The following CSPP1 variants were observed in gnomAD, a reference collection of about 807,000 sequenced individuals.
The protein encoded by CSPP1 is centrosome and spindle pole associated protein 1.
A neutral mutation model predicts 164.4 loss-of-function variants in CSPP1; 126 were observed. That is an observed-to-expected ratio of 0.77 (90% CI 0.66 to 0.89). The LOEUF is 0.89. Among genes scored for constraint, CSPP1 ranks in the 40% least tolerant of loss-of-function variants. The pLI, the probability that CSPP1 is intolerant of heterozygous loss-of-function variation, is 0.00. For missense variants in CSPP1, 1,395 were observed against 1,449.8 expected (o/e 0.96, Z 0.61); for synonymous variants, 472 against 476.7 (o/e 0.99, Z 0.13).
intron 8 of CSPP1, among the ~76,000 whole-genome samples, chr8:67,104,162 A>G (rs1814826397): frequency 6.6e-6 from 1 of 152,118 alleles, no homozygotes; most frequent in African/African-American, 2.4e-5. Flanking sequence ...AAAGTAATAT[A>G]TAAACACTGC....
chr8:67,105,943 A>T lies in CSPP1; in HGVS notation c.1061A>T (p.Asp354Val), dbSNP rs146127619. The part of the protein sequence containing the change: ...DNETSKSANQ[D>V]TCSPFAGMLF... The stretch of plus-strand genomic sequence containing the variant: ...GAAACATCCAAATCTGCTAATCAAG[A>T]TACCTGTAGTCCTTTTGCAGGGATG... The change falls in exon 9 of 31, where the codon GAT becomes GTT. Residue 354 changes from aspartate to valine, a missense_variant. Transcript: ENST00000678616. The T allele has an allele frequency of 8.8e-6, 14 of 1,595,590 alleles. No homozygotes were observed. The South Asian group carries it at 1.4e-4, about 16-fold the overall frequency.
chr8:67,153,739 G>A (rs1826145768), intron 18 of CSPP1, among the ~76,000 whole-genome samples: 1 of 151,768 alleles, frequency 6.6e-6, no homozygotes. Context: ...AGCCTTTGTT[G>A]CAATGAGGGT....
At chr8:67,174,767 GAAA>G (rs370370213) in intron 25 of CSPP1, 5 of 98,522 alleles carry the variant, frequency 5.1e-5, no homozygotes, top group South Asian at 3.0e-4. Context: ...TCCGTCTCAA[GAAA>G]AAAAAAAAAA....
Position 67,064,500 on chromosome 8 carries a change from A to G in CSPP1, c.-49A>G, listed in dbSNP as rs371597009. 1.5e-5 allele frequency: 24 copies of G among 1,613,396 alleles called. No individual in the cohort carries two copies. Among genetic ancestry groups the G allele is most frequent in the East Asian group, 8.9e-5 (4 of 44,866 alleles). ...GGACGCGAGCCCGCTCCCCTGAGTA[A>G]GAGTCAGCCAGCCGCGGATGGGGAG... On this transcript the variant is annotated 5_prime_UTR_variant, in exon 1 of 31. It removes the in-frame stop codon of an upstream open reading frame in the 5' UTR. Transcript: ENST00000678616.
At chr8:67,084,693 C>T (rs1810017040) in intron 3 of CSPP1, among the ~76,000 whole-genome samples, 1 of 151,368 alleles carries the variant, frequency 6.6e-6, no homozygotes, top group East Asian at 1.9e-4. Flanking sequence ...GTGCCATGAT[C>T]ACGCCACTGC....
At chr8:67,162,254 A>G (rs1474248478) in intron 22 of CSPP1, among the ~76,000 whole-genome samples, 3 of 152,186 alleles carry the variant, frequency 2.0e-5, no homozygotes, top group African/African-American at 7.2e-5. Flanking sequence ...ATATGCAGGA[A>G]TTTGCCTTGA....
At chr8:67,163,832 A>G (rs761583490) in intron 23 of CSPP1, 34 bp downstream of exon 23, 1 of 1,478,382 alleles carries the variant, frequency 6.8e-7, no homozygotes, top group Non-Finnish European at 9.4e-7. Context: ...TACCTAGAGT[A>G]TTTCTCTTTT....
intron 1 of CSPP1, among the ~76,000 whole-genome samples, chr8:67,072,869 C>CAAAAAAAAAAAAAA (rs58087584): frequency 1.0e-4 from 6 of 59,238 alleles, no homozygotes; most frequent in Admixed American, 1.7e-4. Flanking sequence ...GAGCCTGTCT[C>CAAAAAAAAAAAAAA]AAAAAAAAAA....
intron 21 of CSPP1, 33 bp downstream of exon 21, chr8:67,159,170 A>C: frequency 6.4e-7 from 1 of 1,574,324 alleles, no homozygotes; most frequent in South Asian, 1.2e-5. Flanking sequence ...AATCAAACCC[A>C]TAGTTTAACT....
At chr8:67,153,161 C>T (rs1217968822) in intron 18 of CSPP1, among the ~76,000 whole-genome samples, 1 of 152,112 alleles carries the variant, frequency 6.6e-6, no homozygotes, top group African/African-American at 2.4e-5. Context: ...GAGATCATGC[C>T]ACTGCACTCC....
intron 25 of CSPP1, 126 bp downstream of exon 25, chr8:67,172,681 A>G (rs1193403748): frequency 3.5e-6 from 3 of 847,708 alleles, no homozygotes; most frequent in East Asian, 2.7e-5. Context: ...TTTAGTTAAA[A>G]TGAAATGAAA....
chr8:67,187,114 G>C (rs1174903572), intron 28 of CSPP1, among the ~76,000 whole-genome samples: 1 of 152,090 alleles, frequency 6.6e-6, no homozygotes. Context: ...TGCACAGGAT[G>C]ACTCAGTATT....
chr8:67,108,741 T>C (rs929044862), intron 9 of CSPP1, among the ~76,000 whole-genome samples: 1 of 152,172 alleles, frequency 6.6e-6, no homozygotes, highest in Non-Finnish European at 1.5e-5. Context: ...ATTACTGTCC[T>C]TGCCCAGGAT....
chr8:67,080,867 G>A (rs1476910620), intron 3 of CSPP1: 1 of 152,200 alleles, frequency 6.6e-6, no homozygotes, highest in African/African-American at 2.4e-5. Flanking sequence ...ACAGAATATT[G>A]CCAATCAGCC....
At chr8:67,170,291 A>G (rs1326922350) in intron 24 of CSPP1, among the ~76,000 whole-genome samples, 1 of 107,988 alleles carries the variant, frequency 9.3e-6, no homozygotes, top group Non-Finnish European at 1.7e-5. Context: ...CTAAAAATAC[A>G]AAAAAAAAAA....
chr8:67,122,483 CA>C (rs1819162663), intron 15 of CSPP1, among the ~76,000 whole-genome samples: 1 of 152,156 alleles, frequency 6.6e-6, no homozygotes, highest in Non-Finnish European at 1.5e-5. Flanking sequence ...ATTTCTTCAT[CA>C]ACCTGTTGGT....
chr8:67,122,208 G>A (rs747970547), intron 15 of CSPP1, among the ~76,000 whole-genome samples: 20 of 147,026 alleles, frequency 1.4e-4, no homozygotes, highest in Non-Finnish European at 1.8e-4. Flanking sequence ...TTTTTCTGTC[G>A]TTATTCTAGT....
Position 67,071,303 on chromosome 8 carries a change from T to C in CSPP1, c.-10-2940T>C, listed in dbSNP as rs1726636121. ...TTCTATTTTGTACCTCTTTCCTCTT[T>C]TCCTCAACTAATTATGCTGATTGGG... On this transcript the variant is annotated intron_variant, in intron 1 of 30. Transcript: ENST00000678616. Among the ~76,000 whole-genome samples the C allele has an allele frequency of 1.3e-5, 2 of 152,178 alleles. 1 individual carries two copies. Among genetic ancestry groups the C allele is most frequent in the South Asian group, 4.1e-4 (2 of 4,834 alleles).
At chr8:67,156,157 T>A (rs1000464603) in intron 19 of CSPP1, among the ~76,000 whole-genome samples, 1 of 152,210 alleles carries the variant, frequency 6.6e-6, no homozygotes, top group Non-Finnish European at 1.5e-5. Flanking sequence ...GTTTTTGAGA[T>A]ACTTTTACAT....
Sources: allele counts gnomAD v4.1 joint callset (sites outside exome capture counted in the v4.1 genomes callset), GRCh38; gene constraint gnomAD v4.1.1; transcripts MANE v1.5; gene names NCBI Gene and HGNC (gene_info 2026-07-23, HGNC 2026-07-21).